Variants in GRIK4 observed in about 807,000 individuals in gnomAD.
The protein encoded by GRIK4 is glutamate receptor ionotropic, kainate 4.
A neutral mutation model predicts 104.9 loss-of-function variants in GRIK4; 40 were observed. The observed-to-expected ratio is 0.38, with a 90% confidence interval of 0.30 to 0.50. The LOEUF (loss-of-function observed/expected upper bound fraction) is 0.50. Among genes scored for constraint, GRIK4 ranks in the 20% least tolerant of loss-of-function variants. The pLI is 0.93. For synonymous variants in GRIK4, 485 were observed against 524.9 expected, an observed-to-expected ratio of 0.92 and a Z score of 1.04; for missense variants, 1,047 against 1,308.1, an observed-to-expected ratio of 0.80 and a Z score of 3.08.
chr11:120,964,533 A>G lies in GRIK4; in HGVS notation c.2266+1852A>G, dbSNP rs570996374. On this transcript the variant is annotated intron_variant, in intron 18 of 20. Transcript: ENST00000527524. ...ATATACTCGCTGACATTTTGTTTCA[A>G]GATGGTAGCGTGAACTGCAAAATGA... Among the ~76,000 whole-genome samples the G allele has an allele frequency of 2.6e-5, 4 of 152,290 alleles. No homozygotes were observed. In the East Asian group the frequency reaches 7.7e-4, roughly 29 times the overall value.
intron 1 of GRIK4, among the ~76,000 whole-genome samples, chr11:120,567,631 G>C (rs1200798853): frequency 6.6e-6 from 1 of 152,238 alleles, no homozygotes; most frequent in Non-Finnish European, 1.5e-5. Context: ...AGACCACAGA[G>C]AGTGGCCAGC....
At chr11:120,675,564 C>A (rs1392639723) in intron 3 of GRIK4, among the ~76,000 whole-genome samples, 1 of 152,132 alleles carries the variant, frequency 6.6e-6, no homozygotes, top group Admixed American at 6.5e-5. Context: ...ATATTAGTTT[C>A]TATTTTTTTA....
At chr11:120,951,213 C>G (rs2134685699) in intron 14 of GRIK4, among the ~76,000 whole-genome samples, 1 of 152,304 alleles carries the variant, frequency 6.6e-6, no homozygotes. Flanking sequence ...CACCGGCTCC[C>G]TAAGAAGGAA....
intron 11 of GRIK4, chr11:120,894,795 C>G (rs1942529410): frequency 6.6e-6 from 1 of 152,250 alleles, no homozygotes; most frequent in African/African-American, 2.4e-5. Flanking sequence ...AGCTATGTCT[C>G]CTGCCCACTC....
intron 3 of GRIK4, among the ~76,000 whole-genome samples, chr11:120,687,446 T>G (rs12286467): frequency 0.11 from 16,286 of 152,236 alleles, 919 homozygotes; most frequent in South Asian, 0.16. Flanking sequence ...TTTCTTTCCA[T>G]TTTTTTGGAA....
rs1176479217 is a variant in GRIK4, at chr11:120,871,377, T to C, written c.907-2689T>C. 18 of 340,214 alleles carry C rather than the reference T, an allele frequency of 5.3e-5. No individual in the cohort carries two copies. The East Asian group carries it at 9.0e-4, about 17-fold the overall frequency. 21.1% of individuals were successfully genotyped at this position (340,214 alleles called of 1,614,324 possible). A position where few individuals can be genotyped will look rare whatever the true frequency, so the allele number is the denominator to read the frequency against. ...TTGTAGGCTTGCAAAGGAGCATTCATTACCATGCAGGGCGAATCAAATGAA... is the reference window on the plus strand; with the variant it reads ...TTGTAGGCTTGCAAAGGAGCATTCACTACCATGCAGGGCGAATCAAATGAA... On this transcript the variant is annotated intron_variant, in intron 9 of 20. Transcript: ENST00000527524.
At chr11:120,529,403 G>A (rs1947900053) in intron 1 of GRIK4, among the ~76,000 whole-genome samples, 1 of 152,214 alleles carries the variant, frequency 6.6e-6, no homozygotes, top group African/African-American at 2.4e-5. Flanking sequence ...GATTGCCCTT[G>A]GCTGTGACCT....
intron 1 of GRIK4, among the ~76,000 whole-genome samples, chr11:120,645,568 A>C (rs1424191872): frequency 6.6e-6 from 1 of 152,080 alleles, no homozygotes; most frequent in African/African-American, 2.4e-5. Flanking sequence ...GATCACCCGG[A>C]TGGGACTTCA....
intron 6 of GRIK4, among the ~76,000 whole-genome samples, chr11:120,820,574 G>A (rs1011218156): frequency 2.6e-5 from 4 of 152,184 alleles, no homozygotes; most frequent in Non-Finnish European, 4.4e-5. Flanking sequence ...GTGTGCTCCC[G>A]GCGGCAGCTG....
At chr11:120,548,000 A>G (rs1948103155) in intron 1 of GRIK4, among the ~76,000 whole-genome samples, 1 of 152,180 alleles carries the variant, frequency 6.6e-6, no homozygotes, top group Admixed American at 6.6e-5. Context: ...GAGGGCACAC[A>G]TGGGAACTGC....
chr11:120,795,668 G>A (rs1442078590), intron 3 of GRIK4, among the ~76,000 whole-genome samples: 2 of 152,168 alleles, frequency 1.3e-5, no homozygotes, highest in Non-Finnish European at 1.5e-5. Context: ...GTCTAATGAA[G>A]GGTACAGAGG....
intron 4 of GRIK4, among the ~76,000 whole-genome samples, chr11:120,810,781 A>G (rs897422517): frequency 2.5e-4 from 38 of 152,198 alleles, no homozygotes; most frequent in Middle Eastern, 3.2e-3. Context: ...GAGCCTAATT[A>G]CTACCATAAT....
At chr11:120,788,800 C>G (rs1952339721) in intron 3 of GRIK4, among the ~76,000 whole-genome samples, 1 of 151,362 alleles carries the variant, frequency 6.6e-6, no homozygotes, top group African/African-American at 2.4e-5. Flanking sequence ...ACCGATTGTC[C>G]TAATTATGCC....
intron 13 of GRIK4, among the ~76,000 whole-genome samples, chr11:120,908,764 C>T (rs1206346053): frequency 7.2e-5 from 11 of 152,214 alleles, no homozygotes; most frequent in Admixed American, 6.5e-4. Context: ...CTGTGAGTCC[C>T]ATCTCTCACT....
rs138552348 is a variant in GRIK4, at chr11:120,823,960, G to A, written c.511+4040G>A. Reference sequence around the variant, plus strand: ...CACAGAGGATTAAAAATCTAATCAAGGGATGAGAAAATGAGGGACCGAAGG... The same window carrying A: ...CACAGAGGATTAAAAATCTAATCAAAGGATGAGAAAATGAGGGACCGAAGG... On this transcript the variant is annotated intron_variant, in intron 6 of 20. Coordinates refer to ENST00000527524, the MANE Select transcript of GRIK4 (RefSeq NM_014619.5). Among the ~76,000 whole-genome samples, 88 of 152,312 alleles carry A rather than the reference G, an allele frequency of 5.8e-4. 2 individuals carry two copies. The East Asian group carries it at 0.017, about 29-fold the overall frequency.
intron 3 of GRIK4, among the ~76,000 whole-genome samples, chr11:120,743,246 AAAAG>A (rs1453821736): frequency 6.6e-6 from 1 of 152,102 alleles, no homozygotes; most frequent in Non-Finnish European, 1.5e-5. Flanking sequence ...AAAAAAAAAA[AAAAG>A]AATGAGATTA....
intron 3 of GRIK4, among the ~76,000 whole-genome samples, chr11:120,790,247 A>G (rs1388521979): frequency 1.3e-5 from 2 of 152,176 alleles, no homozygotes; most frequent in Non-Finnish European, 2.9e-5. Context: ...TAGGTGTTTA[A>G]TAGGTATTTG....
chr11:120,958,655 C>T (rs1479734524), intron 16 of GRIK4, among the ~76,000 whole-genome samples: 1 of 152,236 alleles, frequency 6.6e-6, no homozygotes, highest in Admixed American at 6.5e-5. Flanking sequence ...CCTCCGGAAG[C>T]GGGCATCATT....
chr11:120,565,274 A>G (rs1948306437), intron 1 of GRIK4, among the ~76,000 whole-genome samples: 1 of 152,218 alleles, frequency 6.6e-6, no homozygotes, highest in South Asian at 2.1e-4. Context: ...GGAGCCGGCG[A>G]TTAAAGGACT....
Sources: gnomAD v4.1 joint callset for allele counts (sites outside exome capture counted in the v4.1 genomes callset) on GRCh38, gnomAD v4.1.1 for gene constraint, MANE v1.5 for transcripts, NCBI Gene and HGNC (gene_info 2026-07-23, HGNC 2026-07-21) for gene names.